Variants in NR6A1 observed in about 807,000 individuals in gnomAD.
NR6A1 encodes the protein nuclear receptor subfamily 6 group A member 1.
In NR6A1, 7 loss-of-function variants were observed where a neutral mutation model predicts 59.1. That is an observed-to-expected ratio of 0.12 (90% confidence interval 0.07 to 0.22). The LOEUF is 0.22. Among genes scored for constraint, NR6A1 ranks in the 10% least tolerant of loss-of-function variants. The pLI, the probability that NR6A1 is intolerant of heterozygous loss-of-function variation, is 1.00. For synonymous variants in NR6A1, 243 were observed against 236.1 expected (o/e 1.03, Z -0.27); for missense variants, 468 against 611.6 (o/e 0.77, Z 2.48).
At chr9:124,608,864 T>C (rs1729219664) in intron 2 of NR6A1, among the ~76,000 whole-genome samples, 1 of 152,254 alleles carries the variant, frequency 6.6e-6, no homozygotes, top group Non-Finnish European at 1.5e-5. Context: ...TATCTCATTA[T>C]GGATTTGATT....
intron 7 of NR6A1, among the ~76,000 whole-genome samples, chr9:124,535,118 C>T (rs934681165): frequency 2.7e-5 from 4 of 150,614 alleles, no homozygotes; most frequent in Non-Finnish European, 3.0e-5. Flanking sequence ...AGCCAGACAC[C>T]GTCTCAAAAA....
At position 124,711,187 on chromosome 9, in the gene NR6A1, T is replaced by TAAAAA. The variant is rs58609931; in HGVS notation, c.142+22116_142+22120dup. Among the ~76,000 whole-genome samples, 27 of 66,492 alleles carry TAAAAA rather than the reference T, an allele frequency of 4.1e-4. 1 individual carries two copies. Among genetic ancestry groups the TAAAAA allele is most frequent in the African/African-American group, 1.7e-3 (27 of 15,992 alleles). The allele number at this position is 66,492 out of a possible 152,430, so 43.6% of individuals were successfully genotyped here. On this transcript the variant is annotated intron_variant, in intron 2 of 9. Coordinates refer to ENST00000487099, the MANE Select transcript of NR6A1 (RefSeq NM_033334.4). ...TTACATGCCTAAGTCAGCTAAGGTT[T>TAAAAA]AAAAAAAAAAAAAAAAAAAAAAAAA...
At chr9:124,748,498 G>C (rs551088316) in intron 1 of NR6A1, among the ~76,000 whole-genome samples, 2 of 152,114 alleles carry the variant, frequency 1.3e-5, no homozygotes, top group Non-Finnish European at 2.9e-5. Context: ...AACATTTGTA[G>C]GATTCCTGTG....
In NR6A1 at chr9:124,598,731, T is replaced by C. The variant is rs143674898; in HGVS notation, c.143-44161A>G. The stretch of plus-strand genomic sequence containing the variant: ...TATTGTTTCTCCTCAGCATCCTCCT[T>C]GGTCTTCTCCCTTCTCCTTCACCGA... On this transcript the variant is annotated intron_variant, in intron 2 of 9. Transcript: ENST00000487099. 2,732 of 874,140 alleles carry C rather than the reference T, an allele frequency of 3.1e-3. 25 individuals are homozygous for C. The highest frequency in any genetic ancestry group is 9.8e-3 in the South Asian group (728 of 74,468). The allele number at this position is 874,140 out of a possible 1,614,324, so 54.1% of individuals were successfully genotyped here. A position where few individuals can be genotyped will look rare whatever the true frequency, so the allele number is the denominator to read the frequency against.
chr9:124,581,111 C>G (rs1038218172), intron 2 of NR6A1, among the ~76,000 whole-genome samples: 1 of 152,060 alleles, frequency 6.6e-6, no homozygotes, highest in African/African-American at 2.4e-5. Context: ...AAAATCAACT[C>G]AAGATGGATT....
intron 1 of NR6A1, among the ~76,000 whole-genome samples, chr9:124,738,252 TCAAAA>T (rs941483014): frequency 6.6e-6 from 1 of 152,120 alleles, no homozygotes; most frequent in East Asian, 1.9e-4. Flanking sequence ...AGACTCTGTC[TCAAAA>T]CAAAACAAAA....
At chr9:124,723,441 T>A (rs1283011983) in intron 2 of NR6A1, among the ~76,000 whole-genome samples, 1 of 151,774 alleles carries the variant, frequency 6.6e-6, no homozygotes, top group Non-Finnish European at 1.5e-5. Flanking sequence ...ACCAAAAGAG[T>A]CAGCAGCATA....
intron 2 of NR6A1, among the ~76,000 whole-genome samples, chr9:124,628,850 G>T (rs147245380): frequency 2.7e-3 from 407 of 152,118 alleles, no homozygotes; most frequent in Non-Finnish European, 4.7e-3. Flanking sequence ...AGTAGAGACG[G>T]GGTTTCACCA....
Position 124,676,744 on chromosome 9 carries a change from C to A in NR6A1, c.142+56564G>T, listed in dbSNP as rs544844259. Among the ~76,000 whole-genome samples, 28 of 152,266 alleles carry A rather than the reference C, an allele frequency of 1.8e-4. 1 individual carries two copies. In the East Asian group the frequency reaches 4.1e-3, roughly 22 times the overall value. The stretch of plus-strand genomic sequence containing the variant: ...ATTCTGACATTGGAAGTTTAAGTAT[C>A]CAGATCCTCAGTAACCTCAAATGCA... On this transcript the variant is annotated intron_variant, in intron 2 of 9. Coordinates refer to ENST00000487099, the MANE Select transcript of NR6A1 (RefSeq NM_033334.4).
intron 3 of NR6A1, among the ~76,000 whole-genome samples, chr9:124,548,857 C>A (rs1477932364): frequency 1.3e-5 from 2 of 152,272 alleles, no homozygotes; most frequent in East Asian, 3.8e-4. Flanking sequence ...CCCCACCACC[C>A]GCCACGAAGC....
At chr9:124,568,485 A>G (rs1357141561) in intron 2 of NR6A1, among the ~76,000 whole-genome samples, 3 of 151,818 alleles carry the variant, frequency 2.0e-5, no homozygotes, top group African/African-American at 7.3e-5. Context: ...TCTGTCTCAA[A>G]AAAAAAAAAC....
chr9:124,704,617 T>C (rs184719432), intron 2 of NR6A1, among the ~76,000 whole-genome samples: 11 of 152,352 alleles, frequency 7.2e-5, no homozygotes, highest in Admixed American at 6.5e-4. Flanking sequence ...CTTACGTTAG[T>C]GCTTTAAGCC....
chr9:124,759,477 A>G (rs1326082901), intron 1 of NR6A1, among the ~76,000 whole-genome samples: 2 of 152,234 alleles, frequency 1.3e-5, no homozygotes, highest in African/African-American at 4.8e-5. Flanking sequence ...CAAGTAGCTG[A>G]AAAGCACATT....
chr9:124,535,056 G>A (rs1408815732), intron 7 of NR6A1, among the ~76,000 whole-genome samples: 1 of 151,666 alleles, frequency 6.6e-6, no homozygotes, highest in African/African-American at 2.4e-5. Context: ...ACCGGGAGGC[G>A]GAGCTTGCAG....
intron 2 of NR6A1, among the ~76,000 whole-genome samples, chr9:124,701,031 G>A (rs1231004881): frequency 6.6e-6 from 1 of 152,174 alleles, no homozygotes; most frequent in African/African-American, 2.4e-5. Context: ...AAAGTGCTGA[G>A]ATTACAGGCA....
At chr9:124,631,199 C>A (rs958405855) in intron 2 of NR6A1, among the ~76,000 whole-genome samples, 3 of 151,892 alleles carry the variant, frequency 2.0e-5, no homozygotes, top group Non-Finnish European at 4.4e-5. Flanking sequence ...CCATGACCAG[C>A]GAGAGGGAAA....
At chr9:124,763,387 A>G (rs1447635632) in intron 1 of NR6A1, among the ~76,000 whole-genome samples, 2 of 152,246 alleles carry the variant, frequency 1.3e-5, no homozygotes, top group African/African-American at 4.8e-5. Context: ...AAATGTCAAT[A>G]CAGTAAAAAA....
At chr9:124,627,314 G>A (rs767676204) in intron 2 of NR6A1, among the ~76,000 whole-genome samples, 8 of 151,826 alleles carry the variant, frequency 5.3e-5, no homozygotes, top group East Asian at 1.9e-4. Context: ...ATCTAGCCCC[G>A]CCTTAAAAAA....
chr9:124,664,583 C>T lies in NR6A1; in HGVS notation c.142+68725G>A, dbSNP rs186113629. Among the ~76,000 whole-genome samples the T allele has an allele frequency of 1.1e-3, 167 of 152,186 alleles. 1 individual carries two copies. The South Asian group carries it at 0.018, about 17-fold the overall frequency. ...TTACAGGACTGCTGAAGCAGACAGACGGATTAGACAGATAAATAAATAGAT... is the reference window on the plus strand; with the variant it reads ...TTACAGGACTGCTGAAGCAGACAGATGGATTAGACAGATAAATAAATAGAT... On this transcript the variant is annotated intron_variant, in intron 2 of 9. Coordinates refer to ENST00000487099, the MANE Select transcript of NR6A1 (RefSeq NM_033334.4).
Sources: allele counts gnomAD v4.1 joint callset (sites outside exome capture counted in the v4.1 genomes callset), GRCh38; gene constraint gnomAD v4.1.1; transcripts MANE v1.5; gene names NCBI Gene and HGNC (gene_info 2026-07-23, HGNC 2026-07-21).